Variants in GALNT13 observed in about 807,000 individuals in gnomAD.
GALNT13 encodes UDP-GalNAc:polypeptide N-acetylgalactosaminyltransferase 13.
Under a neutral mutation model 64.2 loss-of-function variants are expected in GALNT13, and 28 were observed. That is an observed-to-expected ratio of 0.44 (90% CI 0.32 to 0.60). The LOEUF (loss-of-function observed/expected upper bound fraction) is 0.60. Among genes scored for constraint, GALNT13 ranks in the 20% least tolerant of loss-of-function variants. GALNT13 has a pLI of 0.05. For missense variants in GALNT13, 577 were observed against 669.8 expected (o/e 0.86, Z 1.53); for synonymous variants, 214 against 224.6 (o/e 0.95, Z 0.42).
chr2:153,120,356 A>T, the GALNT13 span, among the ~76,000 whole-genome samples: 1 of 152,198 alleles, frequency 6.6e-6, no homozygotes, highest in Non-Finnish European at 1.5e-5. Flanking sequence ...ACTATTATCT[A>T]CCAAGGGTTG....
At chr2:154,277,501 T>A (rs1691713623) in intron 8 of GALNT13, among the ~76,000 whole-genome samples, 1 of 152,198 alleles carries the variant, frequency 6.6e-6, no homozygotes, top group Middle Eastern at 3.2e-3. Context: ...ATCGTTTTAC[T>A]GTTGTTCTAG....
At chr2:153,585,191 A>G in the GALNT13 span, among the ~76,000 whole-genome samples, 2 of 152,214 alleles carry the variant, frequency 1.3e-5, no homozygotes, top group African/African-American at 4.8e-5. Flanking sequence ...CAATTCAGGA[A>G]GTGCATAAGA....
chr2:154,183,481 G>T (rs1387131255), intron 4 of GALNT13, among the ~76,000 whole-genome samples: 10 of 152,116 alleles, frequency 6.6e-5, no homozygotes, highest in Admixed American at 1.3e-4. Context: ...GGAGGCTGAG[G>T]CGGTTGATTG....
intron 4 of GALNT13, among the ~76,000 whole-genome samples, chr2:154,149,437 T>TA (rs200549616): frequency 0.13 from 19,764 of 151,942 alleles, 1,419 homozygotes; most frequent in South Asian, 0.21. Flanking sequence ...ATATGAACTT[T>TA]AAGTAGTTTT....
At chr2:154,144,206 G>A (rs1342333125) in intron 4 of GALNT13, among the ~76,000 whole-genome samples, 2 of 152,090 alleles carry the variant, frequency 1.3e-5, no homozygotes, top group Non-Finnish European at 2.9e-5. Context: ...CAGTGTATGA[G>A]GTTTACCAGG....
the GALNT13 span, among the ~76,000 whole-genome samples, chr2:153,307,344 A>T: frequency 6.6e-6 from 1 of 152,196 alleles, no homozygotes; most frequent in African/African-American, 2.4e-5. Flanking sequence ...TGAAAAAAGC[A>T]TTACAATTAT....
chr2:154,176,335 C>T (rs1056666207), intron 4 of GALNT13, among the ~76,000 whole-genome samples: 2 of 150,702 alleles, frequency 1.3e-5, no homozygotes, highest in Admixed American at 6.6e-5. Context: ...AGTGCAGTGG[C>T]GCGATCTTGG....
the GALNT13 span, among the ~76,000 whole-genome samples, chr2:153,552,575 C>CTTTTTTTTTTT: frequency 5.8e-5 from 4 of 69,318 alleles, no homozygotes; most frequent in Non-Finnish European, 8.4e-5. Context: ...GCTTCTTCTT[C>CTTTTTTTTTTT]TTTTTTTTTT....
At chr2:153,239,514 T>C in the GALNT13 span, among the ~76,000 whole-genome samples, 22 of 152,254 alleles carry the variant, frequency 1.4e-4, no homozygotes, top group African/African-American at 5.3e-4. Flanking sequence ...TTCTATTCTT[T>C]GTATTTTGAG....
At chr2:153,871,568 C>T (rs1416507642), upstream of GALNT13, among the ~76,000 whole-genome samples, 1 of 152,196 alleles carries the variant, frequency 6.6e-6, no homozygotes, top group African/African-American at 2.4e-5. Flanking sequence ...CGCAGGCCGG[C>T]TTTGGCGTTG....
chr2:153,853,086 T>G, the GALNT13 span, among the ~76,000 whole-genome samples: 6 of 150,930 alleles, frequency 4.0e-5, no homozygotes, highest in Non-Finnish European at 5.9e-5. Flanking sequence ...GGTCCAAGAG[T>G]TCAAAAGCTG....
the GALNT13 span, among the ~76,000 whole-genome samples, chr2:153,502,842 T>C: frequency 2.0e-5 from 3 of 152,346 alleles, no homozygotes; most frequent in African/African-American, 7.2e-5. Context: ...TAATTAGTGA[T>C]GTTGAGCATT....
At chr2:153,333,153 C>T in the GALNT13 span, among the ~76,000 whole-genome samples, 7 of 152,344 alleles carry the variant, frequency 4.6e-5, no homozygotes, top group Admixed American at 1.3e-4. Flanking sequence ...CGACTGTATG[C>T]ACCTACCATA....
intron 12 of GALNT13, among the ~76,000 whole-genome samples, chr2:154,448,607 CAAAT>C (rs1701714798): frequency 6.6e-6 from 1 of 151,926 alleles, no homozygotes; most frequent in Admixed American, 6.6e-5. Context: ...TGAATTCCTT[CAAAT>C]AAATCATATA....
the GALNT13 span, among the ~76,000 whole-genome samples, chr2:153,812,976 T>C: frequency 6.6e-6 from 1 of 152,202 alleles, no homozygotes; most frequent in African/African-American, 2.4e-5. Flanking sequence ...GCTGAGATAT[T>C]AAAATGTATA....
chr2:154,160,984 A>C (rs755766454), intron 4 of GALNT13, among the ~76,000 whole-genome samples: 4 of 152,174 alleles, frequency 2.6e-5, no homozygotes, highest in Non-Finnish European at 4.4e-5. Flanking sequence ...ACTTGCTAAA[A>C]TTCCAGGAAG....
At chr2:153,627,075 T>G in the GALNT13 span, among the ~76,000 whole-genome samples, 1 of 152,166 alleles carries the variant, frequency 6.6e-6, no homozygotes, top group Admixed American at 6.6e-5. Context: ...TTCTCTCTAG[T>G]CTTTGAGCAT....
chr2:153,347,841 A>C, the GALNT13 span, among the ~76,000 whole-genome samples: 1 of 152,230 alleles, frequency 6.6e-6, no homozygotes, highest in Non-Finnish European at 1.5e-5. Context: ...TTATGCTTTC[A>C]ATCAAATGAT....
At chr2:153,079,982 T>C in the GALNT13 span, among the ~76,000 whole-genome samples, 30 of 151,344 alleles carry the variant, frequency 2.0e-4, no homozygotes, top group African/African-American at 5.3e-4. Flanking sequence ...TTAATACATA[T>C]GGCAAGTTGT....
Sources: allele counts gnomAD v4.1 joint callset (sites outside exome capture counted in the v4.1 genomes callset), GRCh38; gene constraint gnomAD v4.1.1; transcripts MANE v1.5; gene names NCBI Gene and HGNC (gene_info 2026-07-23, HGNC 2026-07-21).